The following MACROD2 variants were observed in gnomAD, a reference collection of about 807,000 sequenced individuals.
The protein encoded by MACROD2 is mono-ADP ribosylhydrolase 2.
Under a neutral mutation model 70.4 loss-of-function variants are expected in MACROD2, and 36 were observed. The observed-to-expected ratio is 0.51, with a 90% CI of 0.39 to 0.68. The LOEUF (loss-of-function observed/expected upper bound fraction) is 0.68. Among genes scored for constraint, MACROD2 ranks in the 30% least tolerant of loss-of-function variants. The pLI, the probability that MACROD2 is intolerant of heterozygous loss-of-function variation, is 0.00. For synonymous variants in MACROD2, 172 were observed against 178.8 expected (o/e 0.96, Z 0.30); for missense variants, 496 against 538.4 (o/e 0.92, Z 0.78).
intron 3 of MACROD2, among the ~76,000 whole-genome samples, chr20:14,099,773 A>C (rs760263873): frequency 2.6e-5 from 4 of 152,166 alleles, no homozygotes; most frequent in Non-Finnish European, 5.9e-5. Flanking sequence ...TATACTTCCA[A>C]TAGCAGTGTA....
At chr20:14,867,462 T>C (rs760111160) in intron 5 of MACROD2, among the ~76,000 whole-genome samples, 1 of 152,106 alleles carries the variant, frequency 6.6e-6, no homozygotes, top group Non-Finnish European at 1.5e-5. Context: ...TTCATGCCTA[T>C]GAAAGAGTCT....
At chr20:15,563,636 A>C (rs1434272516) in intron 8 of MACROD2, among the ~76,000 whole-genome samples, 1 of 152,258 alleles carries the variant, frequency 6.6e-6, no homozygotes, top group Admixed American at 6.5e-5. Flanking sequence ...TAAAAGAAAA[A>C]TGCATTTTCT....
At chr20:15,815,035 G>A (rs2063859006) in intron 8 of MACROD2, among the ~76,000 whole-genome samples, 1 of 152,286 alleles carries the variant, frequency 6.6e-6, no homozygotes, top group Non-Finnish European at 1.5e-5. Flanking sequence ...GGCAGAGGGG[G>A]TACTTTATCC....
intron 3 of MACROD2, among the ~76,000 whole-genome samples, chr20:14,429,736 AG>A (rs1474661943): frequency 6.6e-6 from 1 of 152,136 alleles, no homozygotes; most frequent in Non-Finnish European, 1.5e-5. Context: ...CAGTTTCCAC[AG>A]GGGAATGGAG....
At chr20:14,044,483 T>G (rs1177034285) in intron 2 of MACROD2, among the ~76,000 whole-genome samples, 7 of 152,166 alleles carry the variant, frequency 4.6e-5, no homozygotes, top group Non-Finnish European at 8.8e-5. Flanking sequence ...CCCACCCACA[T>G]CCTGCTGATT....
intron 6 of MACROD2, among the ~76,000 whole-genome samples, chr20:15,349,118 C>G (rs567252318): frequency 2.0e-5 from 3 of 152,060 alleles, no homozygotes; most frequent in East Asian, 1.9e-4. Context: ...TTTAACTTGG[C>G]CTTCATATTG....
At chr20:15,943,636 T>A (rs1393671378) in intron 12 of MACROD2, among the ~76,000 whole-genome samples, 1 of 152,102 alleles carries the variant, frequency 6.6e-6, no homozygotes, top group African/African-American at 2.4e-5. Flanking sequence ...AACAATGTAG[T>A]CTTCATTTCT....
intron 3 of MACROD2, among the ~76,000 whole-genome samples, chr20:14,185,209 G>A (rs993153298): frequency 6.6e-6 from 1 of 152,046 alleles, no homozygotes; most frequent in Admixed American, 6.6e-5. Flanking sequence ...CATAACTTTA[G>A]TATCTAGAAA....
intron 7 of MACROD2, among the ~76,000 whole-genome samples, chr20:15,454,406 A>AACACAAACACACAC (rs1271722958): frequency 8.7e-5 from 12 of 137,534 alleles, no homozygotes; most frequent in African/African-American, 3.1e-4. Flanking sequence ...GACATATTCA[A>AACACAAACACACAC]ACACACACAC....
Position 15,197,009 on chromosome 20 carries a change from G to C in MACROD2, c.419-32931G>C, listed in dbSNP as rs377080870. 43 of 985,388 alleles carry C rather than the reference G, an allele frequency of 4.4e-5. No homozygotes were observed. In the East Asian group the frequency reaches 2.7e-3, roughly 62 times the overall value. The allele number at this position is 985,388 out of a possible 1,614,324, so 61.0% of individuals were successfully genotyped here. On this transcript the variant is annotated intron_variant, in intron 5 of 17. Transcript: ENST00000684519. ...TTTTGGAAACTCAACACTCAGGAAGGTCGCATAGAGCCAGTTTATGCAGGT... is the reference window on the plus strand; with the variant it reads ...TTTTGGAAACTCAACACTCAGGAAGCTCGCATAGAGCCAGTTTATGCAGGT...
At chr20:14,833,235 G>A (rs2072991842) in intron 5 of MACROD2, among the ~76,000 whole-genome samples, 1 of 152,110 alleles carries the variant, frequency 6.6e-6, no homozygotes, top group Non-Finnish European at 1.5e-5. Flanking sequence ...GGGGCTTATG[G>A]GGCTGTGGGT....
chr20:14,423,082 T>C (rs1011526734), intron 3 of MACROD2, among the ~76,000 whole-genome samples: 3 of 152,112 alleles, frequency 2.0e-5, no homozygotes, highest in Admixed American at 1.3e-4. Context: ...TTAGAGCAAA[T>C]GTACAAATAA....
chr20:14,315,330 T>G (rs2122530631), intron 3 of MACROD2, among the ~76,000 whole-genome samples: 1 of 152,346 alleles, frequency 6.6e-6, no homozygotes, highest in South Asian at 2.1e-4. Flanking sequence ...GCAGAGTGGC[T>G]TACGGTTTAC....
At chr20:15,436,187 C>T (rs774095635) in intron 7 of MACROD2, among the ~76,000 whole-genome samples, 27 of 151,374 alleles carry the variant, frequency 1.8e-4, no homozygotes, top group Admixed American at 1.3e-3. Flanking sequence ...TGCATTAGTC[C>T]GTTTTCATGC....
intron 5 of MACROD2, among the ~76,000 whole-genome samples, chr20:14,832,208 A>G (rs1166453400): frequency 6.6e-6 from 1 of 151,238 alleles, no homozygotes; most frequent in Non-Finnish European, 1.5e-5. Flanking sequence ...ATGGCCGGCT[A>G]ATTTTTTGTA....
intron 4 of MACROD2, among the ~76,000 whole-genome samples, chr20:14,571,333 C>G (rs1287913910): frequency 9.2e-5 from 14 of 151,924 alleles, no homozygotes. Context: ...TTTCACAGCA[C>G]CTGTAATTGT....
intron 2 of MACROD2, among the ~76,000 whole-genome samples, chr20:14,049,694 A>C (rs12329574): frequency 0.15 from 22,995 of 151,698 alleles, 1,931 homozygotes; most frequent in Admixed American, 0.22. Context: ...CAGAGGTTAC[A>C]GTGAGCCGAG....
chr20:15,658,529 AGTGAGGTTG>A (rs566882273), intron 8 of MACROD2, among the ~76,000 whole-genome samples: 37 of 152,256 alleles, frequency 2.4e-4, no homozygotes, highest in Non-Finnish European at 4.0e-4. Flanking sequence ...GTAAGAGAGA[AGTGAGGTTG>A]GTCAGGAGGG....
intron 5 of MACROD2, among the ~76,000 whole-genome samples, chr20:14,727,692 A>G (rs1358106417): frequency 6.6e-6 from 1 of 152,196 alleles, no homozygotes; most frequent in Non-Finnish European, 1.5e-5. Flanking sequence ...CAAATATGTT[A>G]CGTCATTTGA....
Sources: gnomAD v4.1 joint callset for allele counts (sites outside exome capture counted in the v4.1 genomes callset) on GRCh38, gnomAD v4.1.1 for gene constraint, MANE v1.5 for transcripts, NCBI Gene and HGNC (gene_info 2026-07-23, HGNC 2026-07-21) for gene names.